TDRP: variants seen among roughly 807,000 people sequenced by gnomAD.
TDRP encodes the protein testis development-related protein.
In TDRP, 12 loss-of-function variants were observed where a neutral mutation model predicts 10.5. That is an observed-to-expected ratio of 1.15 (90% CI 0.73 to 1.86). The LOEUF (loss-of-function observed/expected upper bound fraction) is 1.86, where lower values mean the gene tolerates loss of function less well. Ranked by LOEUF, TDRP falls within the 40% of genes most tolerant of loss-of-function variation. TDRP has a pLI of 0.00. For missense variants in TDRP, 353 were observed against 229.2 expected, an observed-to-expected ratio of 1.54 and a Z score of -3.49; for synonymous variants, 139 against 95.4, an observed-to-expected ratio of 1.46 and a Z score of -2.67.
Position 492,734 on chromosome 8 carries a change from G to C in TDRP, c.223C>G (p.Arg75Gly), listed in dbSNP as rs770174524. Residue 75 changes from arginine to glycine, a missense_variant, in exon 3 of 3, where the codon CGA (arginine) becomes GGA (glycine). Arg to Gly is a moderately radical substitution (Grantham distance 125, BLOSUM62 -2). Coordinates refer to ENST00000324079, the MANE Select transcript of TDRP (RefSeq NM_001384899.1). ...TCTGCCTTCAACTCTTCTTTTAATC[G>C]TAAGTTAGTTCTATAGGAGATGAAA... ...KSPKSKGTNL[R>G]LKEELKAEKK... 1.9e-6 allele frequency: 3 copies of C among 1,610,514 alleles called. No individual in the cohort carries two copies. The highest frequency in any genetic ancestry group is 1.3e-5 in the African/African-American group (1 of 74,788).
At chr8:525,451 CTT>C (rs1238796261) in intron 1 of TDRP, among the ~76,000 whole-genome samples, 1 of 152,136 alleles carries the variant, frequency 6.6e-6, no homozygotes, top group African/African-American at 2.4e-5. Context: ...GTACTCATAT[CTT>C]ATGTAGTTTA....
chr8:533,946 G>C (rs1343764724), intron 1 of TDRP, among the ~76,000 whole-genome samples: 1 of 152,036 alleles, frequency 6.6e-6, no homozygotes, highest in East Asian at 1.9e-4. Flanking sequence ...AAAATTAAAA[G>C]TACACTGTCA....
chr8:506,164 G>C (rs527850428), intron 1 of TDRP, among the ~76,000 whole-genome samples: 8 of 152,156 alleles, frequency 5.3e-5, no homozygotes, highest in African/African-American at 1.9e-4. Flanking sequence ...TAAGAAAATT[G>C]AAATTATTTA....
chr8:499,972 G>T (rs533243739), intron 1 of TDRP, among the ~76,000 whole-genome samples: 5 of 152,256 alleles, frequency 3.3e-5, no homozygotes, highest in African/African-American at 1.2e-4. Flanking sequence ...GTGTTCTATG[G>T]GAAGGCAGAA....
intron 1 of TDRP, among the ~76,000 whole-genome samples, 159 bp downstream of exon 1, chr8:544,491 C>A (rs531143281): frequency 1.3e-5 from 2 of 152,200 alleles, no homozygotes; most frequent in Admixed American, 6.5e-5. Context: ...CACTCGGGCA[C>A]CTAGCGGGCC....
intron 1 of TDRP, among the ~76,000 whole-genome samples, chr8:508,508 G>A (rs1801527072): frequency 6.6e-6 from 1 of 152,162 alleles, no homozygotes; most frequent in African/African-American, 2.4e-5. Flanking sequence ...AATGAGTGAA[G>A]GGGGAAGACT....
At chr8:512,756 C>T (rs1283543495) in intron 1 of TDRP, among the ~76,000 whole-genome samples, 1 of 152,118 alleles carries the variant, frequency 6.6e-6, no homozygotes, top group African/African-American at 2.4e-5. Flanking sequence ...GGGCAGATCA[C>T]CTGAGGCCAT....
At chr8:539,633 A>G (rs922087346) in intron 1 of TDRP, among the ~76,000 whole-genome samples, 10 of 152,232 alleles carry the variant, frequency 6.6e-5, no homozygotes, top group Non-Finnish European at 1.3e-4. Flanking sequence ...AAAGAGAAAT[A>G]ACGGAAAACA....
chr8:523,791 C>T (rs545311028), intron 1 of TDRP, among the ~76,000 whole-genome samples: 1 of 152,200 alleles, frequency 6.6e-6, no homozygotes, highest in African/African-American at 2.4e-5. Context: ...GAATAGAGCA[C>T]CAGGTTGATT....
rs147763050 is a variant in TDRP, at chr8:529,774, GC to G, written c.108+14875del. 1.0e-2 allele frequency among the ~76,000 whole-genome samples: 1,519 copies of G among 152,240 alleles called. 22 individuals are homozygous for G. Among genetic ancestry groups the G allele is most frequent in the African/African-American group, 0.035 (1,454 of 41,546 alleles). ...GAGCTCCCTTGTTATATGACAAGTT[GC>G]TTTTCTCTTTCTTCTTTCAAAATTC... On this transcript the variant is annotated intron_variant, in intron 1 of 2. Coordinates refer to ENST00000324079, the MANE Select transcript of TDRP (RefSeq NM_001384899.1).
At chr8:494,083 A>C (rs1801060543) in intron 2 of TDRP, among the ~76,000 whole-genome samples, 1 of 141,214 alleles carries the variant, frequency 7.1e-6, no homozygotes, top group Non-Finnish European at 1.5e-5. Flanking sequence ...CAGCCTCCCG[A>C]GTAGCTGGGA....
intron 1 of TDRP, among the ~76,000 whole-genome samples, chr8:521,515 C>A (rs1238637829): frequency 6.6e-6 from 1 of 152,164 alleles, no homozygotes; most frequent in Admixed American, 6.5e-5. Flanking sequence ...ATTGTGTAAT[C>A]CAAGCAGCCC....
chr8:528,801 A>G lies in TDRP; in HGVS notation c.108+15849T>C, dbSNP rs945632318. Among the ~76,000 whole-genome samples the G allele has an allele frequency of 2.9e-4, 44 of 152,126 alleles. 1 individual carries two copies. Among genetic ancestry groups the G allele is most frequent in the Admixed American group, 6.5e-5 (1 of 15,274 alleles). ...GATATATACATATATTTATTTATAT[A>G]TAACTATGTGTGTGTGTATATGTGT... On this transcript the variant is annotated intron_variant, in intron 1 of 2. Transcript: ENST00000324079.
chr8:498,005 T>C (rs149261213), intron 1 of TDRP, among the ~76,000 whole-genome samples: 6 of 152,130 alleles, frequency 3.9e-5, no homozygotes, highest in Non-Finnish European at 8.8e-5. Context: ...AGAGGAGGTA[T>C]GGAAATGGCT....
rs145235740 is a variant in TDRP, at chr8:496,653, G to A, written c.109-2056C>T. 7.5e-3 allele frequency among the ~76,000 whole-genome samples: 1,146 copies of A among 152,136 alleles called. 8 individuals carry two copies. Among genetic ancestry groups the A allele is most frequent in the Middle Eastern group, 0.027 (8 of 294 alleles). ...TGCCCACCCCTTCCTTTAAGCTGTC[G>A]TCACCACCTTCAGATGCTATTTGCT... On this transcript the variant is annotated intron_variant, in intron 1 of 2. Coordinates refer to ENST00000324079, the MANE Select transcript of TDRP (RefSeq NM_001384899.1).
chr8:542,977 ATTC>A (rs1204130842), intron 1 of TDRP, among the ~76,000 whole-genome samples: 7 of 151,854 alleles, frequency 4.6e-5, no homozygotes, highest in Admixed American at 2.0e-4. Flanking sequence ...AGAATCTCCT[ATTC>A]TTCTACTTTT....
At chr8:499,831 C>T (rs1012892723) in intron 1 of TDRP, among the ~76,000 whole-genome samples, 2 of 152,200 alleles carry the variant, frequency 1.3e-5, no homozygotes, top group Non-Finnish European at 2.9e-5. Context: ...AGGTGGAGTT[C>T]CTGAAGGGCC....
intron 1 of TDRP, among the ~76,000 whole-genome samples, chr8:510,322 G>C (rs896145773): frequency 2.0e-5 from 3 of 152,216 alleles, no homozygotes; most frequent in Admixed American, 1.3e-4. Context: ...AGGCTATCTA[G>C]GGGCCCACTT....
At chr8:544,256 T>C (rs1048171477) in intron 1 of TDRP, among the ~76,000 whole-genome samples, 1 of 152,016 alleles carries the variant, frequency 6.6e-6, no homozygotes, top group Admixed American at 6.5e-5. Context: ...GCACCCGGCG[T>C]GGACCTCTGC....
Sources: allele counts gnomAD v4.1 joint callset (sites outside exome capture counted in the v4.1 genomes callset), GRCh38; gene constraint gnomAD v4.1.1; transcripts MANE v1.5; gene names NCBI Gene and HGNC (gene_info 2026-07-23, HGNC 2026-07-21).